The following TMC5 variants were observed in gnomAD, a reference collection of about 807,000 sequenced individuals.
TMC5 encodes transmembrane channel like 5.
TMC5 carries 86 observed loss-of-function variants against 110.5 expected under a neutral mutation model. The observed-to-expected ratio is 0.78, with a 90% CI of 0.65 to 0.93. The LOEUF (loss-of-function observed/expected upper bound fraction) is 0.93, where lower values mean the gene tolerates loss of function less well. TMC5 is among the 40% of genes least tolerant of loss of function. The pLI is 0.00. For synonymous variants in TMC5, 455 were observed against 439.5 expected (o/e 1.04, Z -0.44); for missense variants, 1,144 against 1,222.8 (o/e 0.94, Z 0.96).
chr16:19,496,301 C>T (rs1969051847), intron 20 of TMC5, among the ~76,000 whole-genome samples: 1 of 152,114 alleles, frequency 6.6e-6, no homozygotes, highest in Admixed American at 6.5e-5. Flanking sequence ...TATAAAGATA[C>T]ATGAAACCCT....
At chr16:19,479,367 A>G (rs921905842) in intron 13 of TMC5, 64 bp from the exon 14 acceptor site, 2 of 1,214,148 alleles carry the variant, frequency 1.6e-6, no homozygotes, top group East Asian at 2.3e-5. Context: ...AGAGCCAGGA[A>G]CAGAGGAGAA....
chr16:19,440,110 C>G lies in TMC5; in HGVS notation c.72C>G (p.Asn24Lys). ...PDYPDYSGSQNRTQGYLKTQG... is the reference protein window; with the variant it reads ...PDYPDYSGSQKRTQGYLKTQG... ...ACCCTGACTATTCAGGGTCTCAGAA[C>G]CGTACGCAGGGGTATTTGAAAACTC... The change falls in exon 3 of 22, where the codon AAC (asparagine) becomes AAG (lysine). Residue 24 changes from asparagine (N) to lysine (K), a missense_variant. By Grantham distance (94) the Asn-to-Lys change is moderately conservative. Coordinates refer to ENST00000542583, the MANE Select transcript of TMC5 (RefSeq NM_001261841.2). The G allele has an allele frequency of 6.2e-7, 1 of 1,614,066 alleles. No individual in the cohort carries two copies. The highest frequency in any genetic ancestry group is 1.3e-5 in the African/African-American group (1 of 74,998).
At chr16:19,482,389 GAGTTAT>G (rs1382519438) in intron 15 of TMC5, among the ~76,000 whole-genome samples, 14 of 152,082 alleles carry the variant, frequency 9.2e-5, no homozygotes, top group Admixed American at 5.2e-4. Context: ...CCAGTTTATG[GAGTTAT>G]AGTTATAGCA....
At position 19,498,090 on chromosome 16, in the gene TMC5, C is replaced by T. The variant is rs1451500462; in HGVS notation, c.*124C>T. The T allele has an allele frequency of 2.6e-5, 23 of 875,252 alleles. No homozygotes were observed. Among genetic ancestry groups the T allele is most frequent in the Middle Eastern group, 4.4e-4 (2 of 4,536 alleles). The allele number at this position is 875,252 out of a possible 1,614,324, so 54.2% of individuals were successfully genotyped here. On this transcript the variant is annotated 3_prime_UTR_variant, in exon 22 of 22. Transcript: ENST00000542583. ...GAAAATCCAAGGCTTTAGCCAGGAG[C>T]GGAAACTGACTACCATGTAATTATC...
intron 1 of TMC5, among the ~76,000 whole-genome samples, chr16:19,423,721 C>T (rs935549197): frequency 1.3e-5 from 2 of 152,076 alleles, no homozygotes; most frequent in African/African-American, 4.8e-5. Context: ...GTCTCCAACA[C>T]CAGCTGGGTG....
intron 14 of TMC5, among the ~76,000 whole-genome samples, chr16:19,480,088 A>T (rs1968581388): frequency 6.6e-6 from 1 of 152,158 alleles, no homozygotes; most frequent in South Asian, 2.1e-4. Context: ...TTACTATATA[A>T]TGCTATATAA....
chr16:19,445,131 A>G (rs1281157646), intron 4 of TMC5, among the ~76,000 whole-genome samples: 1 of 152,290 alleles, frequency 6.6e-6, no homozygotes, highest in African/African-American at 2.4e-5. Context: ...TCTGTTAAAA[A>G]CAAACAAAAA....
chr16:19,455,791 A>T (rs1004322359), intron 5 of TMC5, among the ~76,000 whole-genome samples: 1 of 152,124 alleles, frequency 6.6e-6, no homozygotes, highest in African/African-American at 2.4e-5. Context: ...TGTGAGAAAG[A>T]AGAAGATTAG....
At chr16:19,422,241 AAG>A (rs564429754) in intron 1 of TMC5, among the ~76,000 whole-genome samples, 3 of 151,724 alleles carry the variant, frequency 2.0e-5, no homozygotes, top group Non-Finnish European at 2.9e-5. Context: ...AAAAAAAAAA[AAG>A]AGAGAGAGAG....
At chr16:19,438,695 C>T (rs1384678043) in intron 2 of TMC5, among the ~76,000 whole-genome samples, 2 of 151,940 alleles carry the variant, frequency 1.3e-5, no homozygotes, top group African/African-American at 2.4e-5. Flanking sequence ...TGCAGTGGGC[C>T]GAGATTGCAC....
chr16:19,479,774 A>C (rs1283062816), intron 14 of TMC5, among the ~76,000 whole-genome samples: 1 of 152,178 alleles, frequency 6.6e-6, no homozygotes, highest in Non-Finnish European at 1.5e-5. Context: ...AAATTCTAAA[A>C]ATAAAAGACA....
intron 20 of TMC5, among the ~76,000 whole-genome samples, chr16:19,496,119 T>C (rs1202306698): frequency 1.3e-5 from 2 of 149,444 alleles, no homozygotes; most frequent in African/African-American, 2.5e-5. Flanking sequence ...GGTCACACCA[T>C]TGCACTCCAG....
In TMC5 at chr16:19,487,275, T is replaced by G; in HGVS notation, c.2522T>G (p.Phe841Cys). 1 of 1,614,108 alleles carries G rather than the reference T, an allele frequency of 6.2e-7. No homozygotes were observed. Among genetic ancestry groups the G allele is most frequent in the South Asian group, 1.1e-5 (1 of 91,072 alleles). The change falls in exon 17 of 22, where the codon TTT becomes TGT. Residue 841 changes from phenylalanine (F) to cysteine (C), a missense_variant. Coordinates refer to ENST00000542583, the MANE Select transcript of TMC5 (RefSeq NM_001261841.2). The stretch of plus-strand genomic sequence containing the variant: ...ATGACTTTCTTCATCTTCTTGCTCT[T>G]TTTCCCATCCTTCACCGGGGTCTTG... Reference protein sequence around the residue: ...QMMTFFIFLLFFPSFTGVLCT... With the variant: ...QMMTFFIFLLCFPSFTGVLCT...
intron 2 of TMC5, among the ~76,000 whole-genome samples, chr16:19,434,819 A>T (rs1485176498): frequency 6.6e-6 from 1 of 152,122 alleles, no homozygotes; most frequent in Admixed American, 6.6e-5. Context: ...CCTTACAACA[A>T]TCCTATGAGA....
chr16:19,479,487 G>T lies in TMC5; in HGVS notation c.2226G>T (p.Val742=). Reference sequence around the variant, plus strand: ...ACCGGCTCCTTCTGATGGATTTTGTGTTCTCTTTAGTCAATTCCTTCCTGG... The same window carrying T: ...ACCGGCTCCTTCTGATGGATTTTGTTTTCTCTTTAGTCAATTCCTTCCTGG... The part of the protein sequence containing the change: ...DIYRLLLMDF[V]FSLVNSFLGE... Residue 742 remains valine (V), a synonymous_variant, in exon 14 of 22, where the codon GTG becomes GTT. Transcript: ENST00000542583. 6.2e-7 allele frequency: 1 copy of T among 1,614,066 alleles called. No homozygotes were observed. The highest frequency in any genetic ancestry group is 8.5e-7 in the Non-Finnish European group (1 of 1,179,970).
chr16:19,456,929 T>A, intron 5 of TMC5: 1 of 1,614,210 alleles, frequency 6.2e-7, no homozygotes, highest in Non-Finnish European at 8.5e-7. Context: ...GTTTTCAACA[T>A]CTTTGAATGA....
chr16:19,415,388 A>T (rs572123052), upstream of TMC5, among the ~76,000 whole-genome samples: 1 of 152,308 alleles, frequency 6.6e-6, no homozygotes, highest in East Asian at 1.9e-4. Context: ...ATATTTGCCC[A>T]TTCCTGAAGA....
Position 19,431,133 on chromosome 16 carries a change from T to C in TMC5, c.-80+493T>C, listed in dbSNP as rs568401646. Among the ~76,000 whole-genome samples, 5 of 152,334 alleles carry C rather than the reference T, an allele frequency of 3.3e-5. No homozygotes were observed. In the East Asian group the frequency reaches 9.6e-4, roughly 29 times the overall value. On this transcript the variant is annotated intron_variant, in intron 2 of 21. Coordinates refer to ENST00000542583, the MANE Select transcript of TMC5 (RefSeq NM_001261841.2). ...CATAATTTTAACTGTGGGTCTTAAGTATGTAGGGATCTTACATTATTTACA... is the reference window on the plus strand; with the variant it reads ...CATAATTTTAACTGTGGGTCTTAAGCATGTAGGGATCTTACATTATTTACA...
intron 1 of TMC5, among the ~76,000 whole-genome samples, chr16:19,422,102 A>C (rs914382935): frequency 6.6e-6 from 1 of 151,842 alleles, no homozygotes; most frequent in African/African-American, 2.4e-5. Flanking sequence ...ATGGTGGCAC[A>C]TGCCTGTAGT....
Sources: gnomAD v4.1 joint callset for allele counts (sites outside exome capture counted in the v4.1 genomes callset) on GRCh38, gnomAD v4.1.1 for gene constraint, MANE v1.5 for transcripts, NCBI Gene and HGNC (gene_info 2026-07-23, HGNC 2026-07-21) for gene names.